RBFOX1: variants seen among roughly 807,000 people sequenced by gnomAD.
RBFOX1 encodes RNA binding protein fox-1 homolog 1.
Under a neutral mutation model 57.7 loss-of-function variants are expected in RBFOX1, and 8 were observed. The ratio of observed to expected loss-of-function variants is 0.14; its 90% CI spans 0.08 to 0.25. RBFOX1 has a LOEUF of 0.25. Ranked by LOEUF, RBFOX1 falls within the 10% of genes least tolerant of loss-of-function variation. The pLI is 1.00. For missense variants in RBFOX1, 611 were observed against 548.5 expected (o/e 1.11, Z -1.14); for synonymous variants, 326 against 222.4 (o/e 1.47, Z -4.15).
chr16:7,175,172 C>G lies in RBFOX1; in HGVS notation c.27+123074C>G, dbSNP rs533370670. Among the ~76,000 whole-genome samples the G allele has an allele frequency of 1.3e-3, 202 of 152,132 alleles. 1 individual carries two copies. The highest frequency in any genetic ancestry group is 4.5e-3 in the African/African-American group (186 of 41,508). ...CGGTATTAAGCCCAGCATGCATTAG[C>G]TCTTTTTCCTAATACTCTTCCTCCT... On this transcript the variant is annotated intron_variant, in intron 4 of 15. Transcript: ENST00000550418.
intron 4 of RBFOX1, among the ~76,000 whole-genome samples, chr16:7,313,412 A>T (rs1355382615): frequency 4.7e-5 from 7 of 149,702 alleles, no homozygotes; most frequent in Non-Finnish European, 1.0e-4. Flanking sequence ...GTGACTCAGG[A>T]TTCCTGAAGA....
chr16:7,222,504 G>T (rs1406278308), intron 4 of RBFOX1, among the ~76,000 whole-genome samples: 1 of 152,188 alleles, frequency 6.6e-6, no homozygotes. Context: ...ACAACCTAAT[G>T]CATGTTAGCA....
chr16:5,934,927 A>G (rs1249463480), intron 4 of RBFOX1, among the ~76,000 whole-genome samples: 1 of 152,196 alleles, frequency 6.6e-6, no homozygotes, highest in Non-Finnish European at 1.5e-5. Flanking sequence ...TTTAATGACA[A>G]AGGCTTTGAG....
intron 1 of RBFOX1, among the ~76,000 whole-genome samples, chr16:6,313,844 A>C (rs1437487370): frequency 6.6e-6 from 1 of 151,852 alleles, no homozygotes; most frequent in African/African-American, 2.4e-5. Context: ...AATAACACTA[A>C]ATCACTCTTC....
chr16:6,977,204 TATC>T (rs1329920711), intron 3 of RBFOX1, among the ~76,000 whole-genome samples: 4 of 118,460 alleles, frequency 3.4e-5, no homozygotes, highest in Non-Finnish European at 5.0e-5. Context: ...ATATATGTTT[TATC>T]ATATATATTA....
intron 3 of RBFOX1, among the ~76,000 whole-genome samples, chr16:6,766,548 C>T (rs531767703): frequency 1.3e-5 from 2 of 151,848 alleles, no homozygotes; most frequent in South Asian, 2.1e-4. Flanking sequence ...TGCAATGACA[C>T]CCATGTTCTT....
At chr16:5,762,493 T>C (rs2053626369) in intron 3 of RBFOX1, among the ~76,000 whole-genome samples, 1 of 152,120 alleles carries the variant, frequency 6.6e-6, no homozygotes, top group South Asian at 2.1e-4. Flanking sequence ...ATAAGACTAA[T>C]ATGCTCGTTT....
intron 4 of RBFOX1, among the ~76,000 whole-genome samples, chr16:5,918,374 C>T (rs906033532): frequency 6.6e-6 from 1 of 152,216 alleles, no homozygotes; most frequent in Non-Finnish European, 1.5e-5. Flanking sequence ...CTCGCCTTCG[C>T]CTCCCAAAGT....
intron 1 of RBFOX1, among the ~76,000 whole-genome samples, chr16:6,159,689 A>T (rs1441337667): frequency 6.6e-6 from 1 of 152,224 alleles, no homozygotes; most frequent in Non-Finnish European, 1.5e-5. Flanking sequence ...AAGTATGTAC[A>T]GTGAATGTGC....
intron 7 of RBFOX1, among the ~76,000 whole-genome samples, chr16:7,591,325 C>CT (rs746862310): frequency 6.6e-5 from 10 of 152,076 alleles, no homozygotes; most frequent in Non-Finnish European, 1.3e-4. Flanking sequence ...GCACCAGAAA[C>CT]TAGAGGACTG....
intron 1 of RBFOX1, among the ~76,000 whole-genome samples, chr16:5,426,025 G>C (rs1376822363): frequency 1.3e-5 from 2 of 152,156 alleles, no homozygotes; most frequent in Non-Finnish European, 2.9e-5. Flanking sequence ...CTGGTGGAAG[G>C]CATGGAAACG....
intron 1 of RBFOX1, among the ~76,000 whole-genome samples, chr16:5,427,508 C>G (rs2067597865): frequency 6.6e-6 from 1 of 152,112 alleles, no homozygotes. Context: ...TTATTTGAAC[C>G]TAGGAGGTGG....
At chr16:7,162,333 T>G (rs1266503083) in intron 4 of RBFOX1, among the ~76,000 whole-genome samples, 9 of 152,198 alleles carry the variant, frequency 5.9e-5, no homozygotes, top group African/African-American at 2.2e-4. Context: ...ATATATCTAT[T>G]TGGCGAAATG....
intron 4 of RBFOX1, among the ~76,000 whole-genome samples, chr16:7,242,089 C>G (rs1370557223): frequency 6.6e-6 from 1 of 152,010 alleles, no homozygotes; most frequent in Non-Finnish European, 1.5e-5. Context: ...GAAAAGTCAC[C>G]AGGAATTTCC....
intron 1 of RBFOX1, among the ~76,000 whole-genome samples, chr16:6,315,433 G>A (rs573466142): frequency 6.7e-5 from 10 of 150,142 alleles, no homozygotes; most frequent in Non-Finnish European, 1.0e-4. Context: ...GGATGGGTGG[G>A]TAGATGGATG....
chr16:7,333,851 C>G (rs1431417676), intron 4 of RBFOX1, among the ~76,000 whole-genome samples: 4 of 152,056 alleles, frequency 2.6e-5, no homozygotes, highest in Admixed American at 2.6e-4. Context: ...CCGTTGAAAG[C>G]TAACATCTAC....
intron 1 of RBFOX1, among the ~76,000 whole-genome samples, chr16:6,122,537 C>T (rs916261489): frequency 1.8e-4 from 28 of 152,170 alleles, no homozygotes; most frequent in African/African-American, 6.3e-4. Flanking sequence ...GCCATGGAGC[C>T]TCATCCCTGC....
At chr16:6,703,133 C>G (rs1015936183) in intron 3 of RBFOX1, among the ~76,000 whole-genome samples, 1 of 152,118 alleles carries the variant, frequency 6.6e-6, no homozygotes, top group Non-Finnish European at 1.5e-5. Flanking sequence ...GAGAATATAT[C>G]ATGTTTTGTT....
At chr16:7,604,901 C>T (rs796590317) in intron 9 of RBFOX1, among the ~76,000 whole-genome samples, 15 of 152,198 alleles carry the variant, frequency 9.9e-5, no homozygotes, top group African/African-American at 3.6e-4. Flanking sequence ...GGAAAGACAC[C>T]ATCTCCACTA....
Sources: gnomAD v4.1 joint callset for allele counts (sites outside exome capture counted in the v4.1 genomes callset) on GRCh38, gnomAD v4.1.1 for gene constraint, MANE v1.5 for transcripts, NCBI Gene and HGNC (gene_info 2026-07-23, HGNC 2026-07-21) for gene names.